ESRRG: variants seen among roughly 807,000 people sequenced by gnomAD.
The protein encoded by ESRRG is estrogen-related receptor gamma.
Under a neutral mutation model 44.0 loss-of-function variants are expected in ESRRG, and 13 were observed. That is an observed-to-expected ratio of 0.30 (90% CI 0.19 to 0.47). ESRRG has a LOEUF of 0.47. Among genes scored for constraint, ESRRG ranks in the 20% least tolerant of loss-of-function variants. The probability of loss-of-function intolerance (pLI) is 1.00; values close to 1 mark genes in which losing one functional copy is unlikely to be tolerated. For missense variants in ESRRG, 395 were observed against 580.6 expected (o/e 0.68, Z 3.29); for synonymous variants, 215 against 214.6 (o/e 1.00, Z -0.02).
chr1:216,967,135 G>A (rs1400255476), intron 1 of ESRRG, among the ~76,000 whole-genome samples: 1 of 152,046 alleles, frequency 6.6e-6, no homozygotes, highest in African/African-American at 2.4e-5. Flanking sequence ...GACTTCTTAA[G>A]TATCGCCTAC....
At chr1:216,965,773 G>A (rs1362220756) in intron 1 of ESRRG, among the ~76,000 whole-genome samples, 1 of 152,218 alleles carries the variant, frequency 6.6e-6, no homozygotes, top group Non-Finnish European at 1.5e-5. Flanking sequence ...GGAGTAGGAA[G>A]GGGGTCAGAT....
At chr1:217,006,776 T>A (rs890710580) in intron 1 of ESRRG, among the ~76,000 whole-genome samples, 2 of 152,070 alleles carry the variant, frequency 1.3e-5, no homozygotes, top group Non-Finnish European at 2.9e-5. Context: ...TTACATGAGG[T>A]CAGGTGTAAA....
chr1:216,779,652 C>G (rs887608480), intron 2 of ESRRG, among the ~76,000 whole-genome samples: 1 of 142,004 alleles, frequency 7.0e-6, no homozygotes, highest in South Asian at 2.1e-4. Context: ...TGGTTACAGT[C>G]TTACTTTTTG....
chr1:216,853,930 G>C (rs2095877464), intron 2 of ESRRG, among the ~76,000 whole-genome samples: 1 of 152,088 alleles, frequency 6.6e-6, no homozygotes, highest in Non-Finnish European at 1.5e-5. Flanking sequence ...TTCAGAGCAT[G>C]TGTGCCTTCT....
At position 216,542,072 on chromosome 1, in the gene ESRRG, C is replaced by CAGAGAGAGAGAG. The variant is rs3040899; in HGVS notation, c.862+22135_862+22146dup. On this transcript the variant is annotated intron_variant, in intron 5 of 6. Coordinates refer to ENST00000408911, the MANE Select transcript of ESRRG (RefSeq NM_001438.4). The stretch of plus-strand genomic sequence containing the variant: ...GTGGGTATAAGGTGTGTGTCTATGA[C>CAGAGAGAGAGAG]AGAGAGAGAGAGAGAGAGAGAGAGA... 6.2e-3 allele frequency among the ~76,000 whole-genome samples: 867 copies of CAGAGAGAGAGAG among 139,910 alleles called. 7 individuals carry two copies. The highest frequency in any genetic ancestry group is 8.7e-3 in the Non-Finnish European group (551 of 63,302). The allele number at this position is 139,910 out of a possible 152,430, so 91.8% of individuals were successfully genotyped here.
At chr1:217,093,948 C>A (rs1463916296), upstream of ESRRG, among the ~76,000 whole-genome samples, 17 of 152,044 alleles carry the variant, frequency 1.1e-4, no homozygotes, top group Admixed American at 1.0e-3. Flanking sequence ...AGTGGCCTGA[C>A]CATAGCTCAC....
chr1:216,553,623 G>A (rs184281987), intron 5 of ESRRG, among the ~76,000 whole-genome samples: 6,748 of 152,168 alleles, frequency 0.044, 455 homozygotes, highest in African/African-American at 0.15. Context: ...ATTGCTCTCA[G>A]AATTATCATG....
At chr1:216,983,291 G>A (rs142875525) in intron 1 of ESRRG, among the ~76,000 whole-genome samples, 69 of 151,958 alleles carry the variant, frequency 4.5e-4, no homozygotes, top group African/African-American at 1.6e-3. Flanking sequence ...GAGATTGGTG[G>A]TGTGATCTAG....
In ESRRG at chr1:216,882,030, T is replaced by C. The variant is rs900753497; in HGVS notation, c.-14+57552A>G. Reference sequence around the variant, plus strand: ...GACTTGACCTCTAAATGACATTTTGTATGGTGTTTTATTGATTCACATAAG... The same window carrying C: ...GACTTGACCTCTAAATGACATTTTGCATGGTGTTTTATTGATTCACATAAG... On this transcript the variant is annotated intron_variant, in intron 2 of 7. Coordinates refer to the ESRRG transcript ENST00000359162. 1.9e-4 allele frequency among the ~76,000 whole-genome samples: 29 copies of C among 152,004 alleles called. 1 individual carries two copies. The highest frequency in any genetic ancestry group is 1.5e-3 in the South Asian group (7 of 4,816).
chr1:216,914,097 C>G (rs567210762), intron 2 of ESRRG, among the ~76,000 whole-genome samples: 2 of 151,592 alleles, frequency 1.3e-5, no homozygotes, highest in African/African-American at 4.8e-5. Context: ...TTAGCTCCCC[C>G]TCCCCCCATC....
intron 2 of ESRRG, among the ~76,000 whole-genome samples, chr1:216,905,213 G>T (rs1459994855): frequency 1.3e-5 from 2 of 152,104 alleles, no homozygotes; most frequent in Admixed American, 6.6e-5. Flanking sequence ...CTTACTGGGG[G>T]CGACAAGGCT....
At chr1:217,137,471 C>G (rs1435086762) in intron 1 of ESRRG, among the ~76,000 whole-genome samples, 2 of 152,238 alleles carry the variant, frequency 1.3e-5, no homozygotes, top group African/African-American at 2.4e-5. Flanking sequence ...TTCCAGCCCC[C>G]GCGAAGACCG....
At chr1:216,979,824 A>T (rs943278178) in intron 1 of ESRRG, among the ~76,000 whole-genome samples, 1 of 152,162 alleles carries the variant, frequency 6.6e-6, no homozygotes, top group African/African-American at 2.4e-5. Context: ...GCTATTATAT[A>T]GACAGCTTGC....
intron 1 of ESRRG, among the ~76,000 whole-genome samples, chr1:216,690,546 T>A (rs1018688025): frequency 1.3e-5 from 2 of 152,106 alleles, no homozygotes; most frequent in African/African-American, 4.8e-5. Flanking sequence ...ATTATATGGG[T>A]CATATTTGTT....
chr1:216,663,778 C>T (rs952547878), intron 2 of ESRRG, among the ~76,000 whole-genome samples: 2 of 151,952 alleles, frequency 1.3e-5, no homozygotes, highest in Non-Finnish European at 2.9e-5. Context: ...AGAAATAAGC[C>T]TCTTTCTTCC....
Position 216,879,484 on chromosome 1 carries a change from CAAAAAA to C in ESRRG, c.-14+60092_-14+60097del, listed in dbSNP as rs755104959. Among the ~76,000 whole-genome samples, 623 of 89,428 alleles carry C rather than the reference CAAAAAA, an allele frequency of 7.0e-3. 5 individuals are homozygous for C. Among genetic ancestry groups the C allele is most frequent in the African/African-American group, 0.023 (599 of 25,710 alleles). 58.7% of individuals were successfully genotyped at this position (89,428 alleles called of 152,430 possible). A position where few individuals can be genotyped will look rare whatever the true frequency, so the allele number is the denominator to read the frequency against. On this transcript the variant is annotated intron_variant, in intron 2 of 7. Coordinates refer to the ESRRG transcript ENST00000359162. ...ACTCTTGAGGGGAAAAAAAGGCCACCAAAAAAAAAAAAAAAAAAAAAGAAGAAGAAG... is the reference window on the plus strand; with the variant it reads ...ACTCTTGAGGGGAAAAAAAGGCCACCAAAAAAAAAAAAAAAGAAGAAGAAG...
intron 3 of ESRRG, among the ~76,000 whole-genome samples, chr1:216,634,656 C>T (rs1002732497): frequency 1.3e-5 from 2 of 152,118 alleles, no homozygotes; most frequent in Non-Finnish European, 2.9e-5. Context: ...ACAGGCAGTG[C>T]GTCCACCCAG....
At chr1:216,520,017 C>T (rs914226799) in intron 5 of ESRRG, among the ~76,000 whole-genome samples, 1 of 152,036 alleles carries the variant, frequency 6.6e-6, no homozygotes, top group African/African-American at 2.4e-5. Context: ...ACATGACTTT[C>T]TTTTAAAATT....
chr1:216,841,289 C>G (rs1006299678), intron 2 of ESRRG, among the ~76,000 whole-genome samples: 1 of 152,046 alleles, frequency 6.6e-6, no homozygotes, highest in Non-Finnish European at 1.5e-5. Context: ...CAGCACTGGC[C>G]TCTCCACCCC....
Sources: allele counts gnomAD v4.1 joint callset (sites outside exome capture counted in the v4.1 genomes callset), GRCh38; gene constraint gnomAD v4.1.1; transcripts MANE v1.5; gene names NCBI Gene and HGNC (gene_info 2026-07-23, HGNC 2026-07-21).